Variants in ROBO1 observed in about 807,000 individuals in gnomAD.
ROBO1 encodes the protein roundabout homolog 1.
A neutral mutation model predicts 195.9 loss-of-function variants in ROBO1; 149 were observed. The observed-to-expected ratio is 0.76, with a 90% confidence interval of 0.67 to 0.87. The LOEUF is 0.87. Among genes scored for constraint, ROBO1 ranks in the 40% least tolerant of loss-of-function variants. The probability of loss-of-function intolerance (pLI) is 0.00; values close to 1 mark genes in which losing one functional copy is unlikely to be tolerated. For synonymous variants in ROBO1, 816 were observed against 733.2 expected, an observed-to-expected ratio of 1.11 and a Z score of -1.82; for missense variants, 1,933 against 2,068.3, an observed-to-expected ratio of 0.93 and a Z score of 1.27.
intron 3 of ROBO1, among the ~76,000 whole-genome samples, chr3:78,986,178 G>GAA (rs1453515152): frequency 6.6e-6 from 1 of 152,070 alleles, no homozygotes; most frequent in African/African-American, 2.4e-5. Context: ...AGCCAAAAGG[G>GAA]AATGATAGGC....
At chr3:79,379,086 G>T (rs1050345786) in intron 2 of ROBO1, among the ~76,000 whole-genome samples, 7 of 152,256 alleles carry the variant, frequency 4.6e-5, no homozygotes, top group East Asian at 3.9e-4. Context: ...GGAGGATAAG[G>T]TTAGCTAGTG....
At chr3:79,371,599 A>G (rs1163811010) in intron 2 of ROBO1, among the ~76,000 whole-genome samples, 1 of 152,212 alleles carries the variant, frequency 6.6e-6, no homozygotes, top group East Asian at 1.9e-4. Context: ...ACATGCAAAA[A>G]AAAATGGTTC....
At chr3:78,826,722 A>G (rs550222620) in intron 4 of ROBO1, among the ~76,000 whole-genome samples, 23 of 152,304 alleles carry the variant, frequency 1.5e-4, no homozygotes, top group African/African-American at 4.8e-4. Flanking sequence ...TAGTTCTCCA[A>G]TCCTGGCTTC....
At chr3:78,626,917 C>T (rs1210366790) in intron 26 of ROBO1, among the ~76,000 whole-genome samples, 1 of 152,098 alleles carries the variant, frequency 6.6e-6, no homozygotes, top group East Asian at 1.9e-4. Flanking sequence ...ATTATGTAAA[C>T]TTAATTTTAA....
chr3:79,614,516 C>T (rs907028129), intron 1 of ROBO1, among the ~76,000 whole-genome samples: 4 of 151,950 alleles, frequency 2.6e-5, no homozygotes, highest in East Asian at 1.9e-4. Flanking sequence ...CTTAGCGATG[C>T]CTCATGATAT....
At chr3:79,303,855 T>C (rs2033099207) in intron 2 of ROBO1, among the ~76,000 whole-genome samples, 1 of 152,062 alleles carries the variant, frequency 6.6e-6, no homozygotes, top group South Asian at 2.1e-4. Flanking sequence ...GATCATGCAG[T>C]ACTTGTATTT....
chr3:79,499,984 T>G (rs1939969576), intron 2 of ROBO1, among the ~76,000 whole-genome samples: 1 of 151,880 alleles, frequency 6.6e-6, no homozygotes. Flanking sequence ...TTTTTGTATT[T>G]TTTACTAGAG....
chr3:79,489,391 A>G (rs1439896661), intron 2 of ROBO1, among the ~76,000 whole-genome samples: 1 of 152,038 alleles, frequency 6.6e-6, no homozygotes, highest in Non-Finnish European at 1.5e-5. Context: ...CGCAGTGGCT[A>G]ACGCCTGTAA....
At chr3:78,860,998 A>G (rs2034801352) in intron 4 of ROBO1, among the ~76,000 whole-genome samples, 1 of 152,084 alleles carries the variant, frequency 6.6e-6, no homozygotes, top group African/African-American at 2.4e-5. Flanking sequence ...CTTGTTCTTA[A>G]CTTTTTCATT....
chr3:79,604,050 T>C (rs1293695626), intron 1 of ROBO1, among the ~76,000 whole-genome samples: 4 of 152,052 alleles, frequency 2.6e-5, no homozygotes, highest in Non-Finnish European at 4.4e-5. Context: ...AACAATTTCA[T>C]CTGAAAATAA....
intron 5 of ROBO1, among the ~76,000 whole-genome samples, chr3:78,738,386 G>C (rs72908874): frequency 6.6e-6 from 1 of 152,080 alleles, no homozygotes; most frequent in Non-Finnish European, 1.5e-5. Context: ...GCGTTAAATA[G>C]TTATTTTTGG....
chr3:78,606,967 G>A lies in ROBO1; in HGVS notation c.4510C>T (p.Arg1504Ter), dbSNP rs1181501831. ...GGGAGTTTTGGCACCACTACAGGTC[G>A]TACTTCCAGCTGTGTCTTGGATTGG... Reference protein sequence around the residue: ...TAQSKTQLEVRPVVVPKLPSM... With the variant: ...TAQSKTQLEV The change falls in exon 29 of 31, where the codon CGA (arginine) becomes TGA (stop). Residue 1504 changes from arginine to a stop codon, truncating the protein, a stop_gained. Transcript: ENST00000464233. LOFTEE classifies it high-confidence loss of function. The A allele has an allele frequency of 3.7e-6, 6 of 1,613,766 alleles. No homozygotes were observed. Among genetic ancestry groups the A allele is most frequent in the East Asian group, 2.2e-5 (1 of 44,864 alleles).
chr3:79,605,176 T>C (rs1944445051), intron 1 of ROBO1, among the ~76,000 whole-genome samples: 1 of 152,000 alleles, frequency 6.6e-6, no homozygotes, highest in Admixed American at 6.6e-5. Context: ...TCTTAGAAAC[T>C]GTTTTCTCAT....
At chr3:78,888,965 C>T (rs116340380) in intron 4 of ROBO1, among the ~76,000 whole-genome samples, 1,850 of 152,150 alleles carry the variant, frequency 0.012, 36 homozygotes, top group African/African-American at 0.042. Flanking sequence ...ACAATGGGTC[C>T]TCTAAAAAGT....
chr3:79,682,191 G>A (rs1946969863), intron 1 of ROBO1, among the ~76,000 whole-genome samples: 1 of 151,924 alleles, frequency 6.6e-6, no homozygotes, highest in Non-Finnish European at 1.5e-5. Flanking sequence ...TTTTCAGAAA[G>A]TTATTTCCTA....
At chr3:79,023,575 A>T (rs1408651415) in intron 3 of ROBO1, among the ~76,000 whole-genome samples, 2 of 150,842 alleles carry the variant, frequency 1.3e-5, no homozygotes, top group Non-Finnish European at 1.5e-5. Context: ...AAAACAGGTA[A>T]TTATGTGTTC....
At chr3:78,924,134 G>A (rs1398785349) in intron 4 of ROBO1, among the ~76,000 whole-genome samples, 9 of 151,966 alleles carry the variant, frequency 5.9e-5, no homozygotes. Flanking sequence ...ATGAGAAATG[G>A]TGCTTTTGAA....
chr3:79,461,970 A>G (rs1205624062), intron 2 of ROBO1, among the ~76,000 whole-genome samples: 1 of 152,042 alleles, frequency 6.6e-6, no homozygotes, highest in Non-Finnish European at 1.5e-5. Flanking sequence ...ATCTATTTAT[A>G]TCATTTATAT....
chr3:79,562,144 G>C (rs568645795), intron 2 of ROBO1, among the ~76,000 whole-genome samples: 1 of 152,178 alleles, frequency 6.6e-6, no homozygotes, highest in African/African-American at 2.4e-5. Context: ...ACAAAGTTCA[G>C]AGTTCAAAAT....
Sources: allele counts gnomAD v4.1 joint callset (sites outside exome capture counted in the v4.1 genomes callset), GRCh38; gene constraint gnomAD v4.1.1; transcripts MANE v1.5; gene names NCBI Gene and HGNC (gene_info 2026-07-23, HGNC 2026-07-21).